Variants in DOCK8 observed in about 807,000 individuals in gnomAD.
The protein encoded by DOCK8 is dedicator of cytokinesis 8, also known as dedicator of cytokinesis protein 8.
DOCK8 carries 141 observed loss-of-function variants against 245.6 expected under a neutral mutation model. The observed-to-expected ratio is 0.57, with a 90% CI of 0.50 to 0.66. The LOEUF (loss-of-function observed/expected upper bound fraction) is 0.66, where lower values mean the gene tolerates loss of function less well. Among genes scored for constraint, DOCK8 ranks in the 30% least tolerant of loss-of-function variants. The probability of loss-of-function intolerance (pLI) is 0.00; values close to 1 mark genes in which losing one functional copy is unlikely to be tolerated. For synonymous variants in DOCK8, 1,168 were observed against 970.2 expected (o/e 1.20, Z -3.79); for missense variants, 2,965 against 2,603.4 (o/e 1.14, Z -3.02).
chr9:292,382 C>T lies in DOCK8; in HGVS notation c.404+2801C>T, dbSNP rs113220405. ...AGCCTGGGCAACAAGAGTGAAACTC[C>T]GTCTCAAAAAAAAAAAAAAAAAAAA... On this transcript the variant is annotated intron_variant, in intron 4 of 47. Transcript: ENST00000432829. 1.1e-3 allele frequency among the ~76,000 whole-genome samples: 73 copies of T among 67,268 alleles called. 1 individual carries two copies. In the East Asian group the frequency reaches 0.022, roughly 20 times the overall value. 44.1% of individuals were successfully genotyped at this position (67,268 alleles called of 152,430 possible). A position where few individuals can be genotyped will look rare whatever the true frequency, so the allele number is the denominator to read the frequency against.
At chr9:224,164 G>A (rs146130844) in intron 1 of DOCK8, among the ~76,000 whole-genome samples, 6 of 152,054 alleles carry the variant, frequency 3.9e-5, no homozygotes, top group Non-Finnish European at 4.4e-5. Flanking sequence ...AAAGAACAAC[G>A]GTTATTTAGA....
chr9:318,691 T>C (rs2050454964), intron 7 of DOCK8, among the ~76,000 whole-genome samples: 1 of 152,232 alleles, frequency 6.6e-6, no homozygotes, highest in Admixed American at 6.5e-5. Flanking sequence ...AAGCAAGCTC[T>C]TGCCCTTGCA....
chr9:390,637 T>C, intron 24 of DOCK8, 71 bp downstream of exon 24: 1 of 1,447,112 alleles, frequency 6.9e-7, no homozygotes. Flanking sequence ...GGAATTGACA[T>C]TTTGTTCACT....
rs1485641604 is a variant in DOCK8 at position 273,912 on chromosome 9, G to A, written c.156+2183G>A. Among the ~76,000 whole-genome samples the A allele has an allele frequency of 1.3e-5, 2 of 152,026 alleles. 1 individual carries two copies. The highest frequency in any genetic ancestry group is 4.8e-5 in the African/African-American group (2 of 41,378). ...GTAGAGACGGGGTTTCTCCATGTTG[G>A]TAGGGCTGGTCTCTAACTCCTGACC... On this transcript the variant is annotated intron_variant, in intron 2 of 47. Coordinates refer to ENST00000432829, the MANE Select transcript of DOCK8 (RefSeq NM_203447.4).
At chr9:238,322 A>T (rs2047306186) in intron 1 of DOCK8, among the ~76,000 whole-genome samples, 2 of 152,244 alleles carry the variant, frequency 1.3e-5, no homozygotes, top group African/African-American at 4.8e-5. Context: ...TACACAAATC[A>T]AAGAGTGCTA....
At chr9:361,585 A>G (rs1018023103) in intron 14 of DOCK8, among the ~76,000 whole-genome samples, 1 of 152,162 alleles carries the variant, frequency 6.6e-6, no homozygotes, top group African/African-American at 2.4e-5. Flanking sequence ...ATTTCCACCC[A>G]TTATCTAATC....
intron 4 of DOCK8, among the ~76,000 whole-genome samples, chr9:304,236 C>G (rs2049700121): frequency 6.6e-6 from 1 of 152,168 alleles, no homozygotes; most frequent in Non-Finnish European, 1.5e-5. Flanking sequence ...GGCTTCTGCA[C>G]ATTGCTAGAT....
intron 14 of DOCK8, 162 bp downstream of exon 14, chr9:340,483 T>G: frequency 2.4e-6 from 2 of 840,248 alleles, no homozygotes; most frequent in Non-Finnish European, 3.7e-6. Context: ...TAGCTGGGCA[T>G]GGTGGTGCAT....
At chr9:377,805 A>G (rs967517063) in intron 20 of DOCK8, among the ~76,000 whole-genome samples, 2 of 152,170 alleles carry the variant, frequency 1.3e-5, no homozygotes, top group Non-Finnish European at 1.5e-5. Flanking sequence ...CTTACAGTCT[A>G]TTTTAAATGC....
rs964810310 is a variant in DOCK8 at position 250,489 on chromosome 9, C to G, written c.54-21138C>G. Among the ~76,000 whole-genome samples the G allele has an allele frequency of 2.4e-4, 36 of 152,178 alleles. 1 individual carries two copies. The highest frequency in any genetic ancestry group is 1.0e-4 in the Non-Finnish European group (7 of 68,028). On this transcript the variant is annotated intron_variant, in intron 1 of 47. Transcript: ENST00000432829. Reference sequence around the variant, plus strand: ...CCAGTAGACTCATCAAAACAAGACCCTCTGATACCACACCATACTGGGTTT... The same window carrying G: ...CCAGTAGACTCATCAAAACAAGACCGTCTGATACCACACCATACTGGGTTT...
At chr9:329,460 A>G (rs1265828159) in intron 9 of DOCK8, among the ~76,000 whole-genome samples, 1 of 152,188 alleles carries the variant, frequency 6.6e-6, no homozygotes, top group Non-Finnish European at 1.5e-5. Context: ...TAGCTTCTTT[A>G]ACACCATATA....
At chr9:351,016 G>A (rs1386110953) in intron 14 of DOCK8, among the ~76,000 whole-genome samples, 3 of 152,194 alleles carry the variant, frequency 2.0e-5, no homozygotes, top group African/African-American at 7.2e-5. Context: ...GGATGAGGCC[G>A]ATTGACAATT....
intron 26 of DOCK8, among the ~76,000 whole-genome samples, chr9:400,264 TCCA>T (rs1299183491): frequency 5.7e-5 from 2 of 35,206 alleles, no homozygotes; most frequent in Non-Finnish European, 1.0e-4. Flanking sequence ...CACCACCACC[TCCA>T]CCATCACCAC....
At chr9:297,487 A>G (rs1269496702) in intron 4 of DOCK8, among the ~76,000 whole-genome samples, 1 of 152,212 alleles carries the variant, frequency 6.6e-6, no homozygotes, top group Non-Finnish European at 1.5e-5. Context: ...AGTTCATTTC[A>G]TGAGAATCAT....
intron 2 of DOCK8, among the ~76,000 whole-genome samples, chr9:285,737 A>T (rs535624589): frequency 6.6e-6 from 1 of 152,164 alleles, no homozygotes; most frequent in Non-Finnish European, 1.5e-5. Flanking sequence ...CCTCTTTCCA[A>T]CTGTGGAAGG....
intron 1 of DOCK8, among the ~76,000 whole-genome samples, chr9:251,708 G>T (rs2047650349): frequency 6.6e-6 from 1 of 152,106 alleles, no homozygotes; most frequent in Non-Finnish European, 1.5e-5. Context: ...GTAAAGTGAA[G>T]ATAATAATAC....
intron 27 of DOCK8, among the ~76,000 whole-genome samples, chr9:406,573 G>A (rs1318395915): frequency 6.6e-6 from 1 of 151,660 alleles, no homozygotes; most frequent in African/African-American, 2.4e-5. Context: ...GGAATTGCCT[G>A]TTCCCAGCCC....
chr9:425,924 T>C lies in DOCK8; in HGVS notation c.4242-961T>C, dbSNP rs149391164. Among the ~76,000 whole-genome samples the C allele has an allele frequency of 2.0e-5, 3 of 152,208 alleles. No individual in the cohort carries two copies. In the East Asian group the frequency reaches 5.8e-4, roughly 29 times the overall value. On this transcript the variant is annotated intron_variant, in intron 33 of 47. Coordinates refer to ENST00000432829, the MANE Select transcript of DOCK8 (RefSeq NM_203447.4). The stretch of plus-strand genomic sequence containing the variant: ...CTTATTTTTTGAGTCCTCAGTGGTA[T>C]GTAAGCAGCTGCAGTGCCCCCATTA...
intron 4 of DOCK8, among the ~76,000 whole-genome samples, chr9:304,221 T>A (rs1293498631): frequency 6.6e-6 from 1 of 152,246 alleles, no homozygotes; most frequent in East Asian, 1.9e-4. Context: ...ACGATCTCTA[T>A]TTGTGGCTTC....
Sources: allele counts gnomAD v4.1 joint callset (sites outside exome capture counted in the v4.1 genomes callset), GRCh38; gene constraint gnomAD v4.1.1; transcripts MANE v1.5; gene names NCBI Gene and HGNC (gene_info 2026-07-23, HGNC 2026-07-21).